The following ANO4 variants were observed in gnomAD, a reference collection of about 807,000 sequenced individuals.
The protein encoded by ANO4 is anoctamin-4.
A neutral mutation model predicts 141.9 loss-of-function variants in ANO4; 69 were observed. The observed-to-expected ratio is 0.49, with a 90% CI of 0.40 to 0.59. ANO4 has a LOEUF of 0.59. Ranked by LOEUF, ANO4 falls within the 20% of genes least tolerant of loss-of-function variation. The pLI, the probability that ANO4 is intolerant of heterozygous loss-of-function variation, is 0.00. For synonymous variants in ANO4, 350 were observed against 394.3 expected (o/e 0.89, Z 1.33); for missense variants, 894 against 1,162.2 (o/e 0.77, Z 3.36).
chr12:100,821,490 T>TA (rs1427412752), intron 1 of ANO4, among the ~76,000 whole-genome samples: 4 of 152,128 alleles, frequency 2.6e-5, no homozygotes, highest in Non-Finnish European at 5.9e-5. Flanking sequence ...GCTATCCCAA[T>TA]ACCAGCCTTG....
chr12:100,772,534 C>T (rs2033344253), intron 3 of ANO4, among the ~76,000 whole-genome samples: 1 of 152,142 alleles, frequency 6.6e-6, no homozygotes, highest in African/African-American at 2.4e-5. Context: ...AACCTCAACC[C>T]TGGGATGTCA....
chr12:100,719,742 C>G (rs551372022), intron 1 of ANO4, among the ~76,000 whole-genome samples: 2 of 152,304 alleles, frequency 1.3e-5, no homozygotes, highest in East Asian at 3.9e-4. Context: ...TTAGCAGCAG[C>G]CTCTAGTAAT....
chr12:100,847,682 A>G (rs1183320939), intron 1 of ANO4, among the ~76,000 whole-genome samples: 2 of 152,138 alleles, frequency 1.3e-5, no homozygotes, highest in Non-Finnish European at 2.9e-5. Flanking sequence ...CGTGTTAGCC[A>G]GGATGGTCTC....
intron 9 of ANO4, among the ~76,000 whole-genome samples, chr12:101,024,982 G>T (rs1012417920): frequency 6.6e-6 from 1 of 152,190 alleles, no homozygotes. Context: ...TTCTGGTAAG[G>T]ATCTAAAGCA....
Position 101,081,627 on chromosome 12 carries a change from G to A in ANO4, c.1396-2051G>A, listed in dbSNP as rs555744494. On this transcript the variant is annotated intron_variant, in intron 15 of 27. Coordinates refer to ENST00000392977, the MANE Select transcript of ANO4 (RefSeq NM_001286615.2). ...GCTGCAGACCTTCTGGGGCAACCTC[G>A]CACATTAGTTTGTCAGGGCTGCCAT... is the stretch of plus-strand genomic sequence containing the variant. Among the ~76,000 whole-genome samples, 8 of 152,202 alleles carry A rather than the reference G, an allele frequency of 5.3e-5. No homozygotes were observed. In the South Asian group the frequency reaches 8.3e-4, roughly 16 times the overall value.
At chr12:100,772,633 C>A (rs916235905) in intron 3 of ANO4, among the ~76,000 whole-genome samples, 1 of 152,200 alleles carries the variant, frequency 6.6e-6, no homozygotes, top group Non-Finnish European at 1.5e-5. Context: ...TGGAGCCTGA[C>A]GCAGCTGCAG....
At chr12:100,863,542 T>C (rs1229488183) in intron 1 of ANO4, among the ~76,000 whole-genome samples, 32 of 152,170 alleles carry the variant, frequency 2.1e-4, no homozygotes, top group Admixed American at 2.1e-3. Context: ...ATTTGGAAGC[T>C]GACTATATAG....
intron 1 of ANO4, among the ~76,000 whole-genome samples, chr12:100,718,980 G>A (rs1007049811): frequency 9.9e-5 from 15 of 152,226 alleles, no homozygotes; most frequent in Non-Finnish European, 2.1e-4. Context: ...ATAGGTTTAC[G>A]TAATGATCAG....
intron 9 of ANO4, among the ~76,000 whole-genome samples, chr12:101,025,229 G>A (rs1212510106): frequency 6.6e-6 from 1 of 152,164 alleles, no homozygotes; most frequent in Admixed American, 6.5e-5. Flanking sequence ...TGAATATTGG[G>A]CAACCCAAAA....
At chr12:100,718,609 T>G (rs1271777224) in intron 1 of ANO4, among the ~76,000 whole-genome samples, 1 of 152,202 alleles carries the variant, frequency 6.6e-6, no homozygotes, top group Non-Finnish European at 1.5e-5. Context: ...TTTAAATTGT[T>G]TAAAATGATC....
At chr12:100,946,149 C>T (rs1194655838) in intron 5 of ANO4, among the ~76,000 whole-genome samples, 2 of 152,056 alleles carry the variant, frequency 1.3e-5, no homozygotes, top group Non-Finnish European at 2.9e-5. Context: ...GTGAGGATGC[C>T]AGTATGACTG....
chr12:100,798,835 C>T (rs182511379), intron 1 of ANO4, among the ~76,000 whole-genome samples: 17 of 152,342 alleles, frequency 1.1e-4, no homozygotes, highest in African/African-American at 3.4e-4. Context: ...GTTTTGTGGG[C>T]TTTTTCTCTA....
rs151082521 is a variant in ANO4, at chr12:100,936,045, T to C, written c.161-3270T>C. Among the ~76,000 whole-genome samples the C allele has an allele frequency of 4.3e-3, 653 of 152,276 alleles. 4 individuals carry two copies. The highest frequency in any genetic ancestry group is 0.014 in the African/African-American group (593 of 41,556). On this transcript the variant is annotated intron_variant, in intron 3 of 27. Transcript: ENST00000392977. ...CAGACTTTCTAATCTCTGCTGAAGA[T>C]ACTGAGAGGCTGGCAAGTGATAAGG... is the stretch of plus-strand genomic sequence containing the variant.
At chr12:100,904,468 G>A (rs1352861726) in intron 2 of ANO4, among the ~76,000 whole-genome samples, 2 of 152,276 alleles carry the variant, frequency 1.3e-5, no homozygotes, top group East Asian at 3.9e-4. Flanking sequence ...GCTGAGTCAC[G>A]AAGATGTGTA....
intron 7 of ANO4, among the ~76,000 whole-genome samples, chr12:100,978,835 GA>G (rs1443305763): frequency 1.3e-5 from 2 of 152,174 alleles, no homozygotes; most frequent in Admixed American, 6.5e-5. Flanking sequence ...GTGTGGTGAG[GA>G]AGTTGACTTT....
At chr12:101,006,235 T>C (rs2045866117) in intron 8 of ANO4, among the ~76,000 whole-genome samples, 1 of 152,108 alleles carries the variant, frequency 6.6e-6, no homozygotes, top group African/African-American at 2.4e-5. Context: ...TACCTGGGAG[T>C]AAAATGATCC....
At chr12:100,915,491 C>T (rs1422009605) in intron 2 of ANO4, among the ~76,000 whole-genome samples, 1 of 152,178 alleles carries the variant, frequency 6.6e-6, no homozygotes, top group Admixed American at 6.5e-5. Context: ...GTTTTACACA[C>T]TCCCCATCTT....
intron 13 of ANO4, chr12:101,047,984 C>A: frequency 9.9e-7 from 1 of 1,005,108 alleles, no homozygotes; most frequent in Non-Finnish European, 1.2e-6. Flanking sequence ...TTTAAAGCAG[C>A]ACTAACAATA....
intron 14 of ANO4, among the ~76,000 whole-genome samples, chr12:101,051,902 T>A (rs930729980): frequency 3.3e-5 from 5 of 152,160 alleles, no homozygotes; most frequent in African/African-American, 1.2e-4. Flanking sequence ...GACAGTAATG[T>A]TCTATAAAAA....
Sources: gnomAD v4.1 joint callset for allele counts (sites outside exome capture counted in the v4.1 genomes callset) on GRCh38, gnomAD v4.1.1 for gene constraint, MANE v1.5 for transcripts, NCBI Gene and HGNC (gene_info 2026-07-23, HGNC 2026-07-21) for gene names.